SGIP1: variants seen among roughly 807,000 people sequenced by gnomAD.
The protein encoded by SGIP1 is SH3GL interacting endocytic adaptor 1, also known as SH3-containing GRB2-like protein 3-interacting protein 1.
A neutral mutation model predicts 107.5 loss-of-function variants in SGIP1; 38 were observed. The observed-to-expected ratio is 0.35, with a 90% CI of 0.27 to 0.46. The LOEUF is 0.46. Ranked by LOEUF, SGIP1 falls within the 20% of genes least tolerant of loss-of-function variation. The probability of loss-of-function intolerance (pLI) is 1.00; values close to 1 mark genes in which losing one functional copy is unlikely to be tolerated. For synonymous variants in SGIP1, 365 were observed against 366.1 expected (o/e 1.00, Z 0.03); for missense variants, 929 against 1,019.5 (o/e 0.91, Z 1.21).
At chr1:66,555,717 A>G (rs974916734) in intron 1 of SGIP1, among the ~76,000 whole-genome samples, 3 of 152,182 alleles carry the variant, frequency 2.0e-5, no homozygotes, top group Non-Finnish European at 4.4e-5. Context: ...ATGAAACTAT[A>G]AGAAGGTGTT....
chr1:66,613,585 C>G (rs1028602342), intron 1 of SGIP1, among the ~76,000 whole-genome samples: 3 of 152,206 alleles, frequency 2.0e-5, no homozygotes, highest in African/African-American at 7.2e-5. Flanking sequence ...CCACCTCAGT[C>G]TCCCAAAGTG....
intron 1 of SGIP1, among the ~76,000 whole-genome samples, chr1:66,617,184 T>G (rs1290553228): frequency 6.6e-6 from 1 of 152,196 alleles, no homozygotes; most frequent in Non-Finnish European, 1.5e-5. Flanking sequence ...TTGTAAACAT[T>G]TACTGAATGA....
chr1:66,670,597 G>A (rs950603599), intron 9 of SGIP1, among the ~76,000 whole-genome samples: 2 of 152,154 alleles, frequency 1.3e-5, no homozygotes, highest in African/African-American at 4.8e-5. Flanking sequence ...ACCTGGCAAG[G>A]AGCATGCACT....
At chr1:66,644,621 C>T (rs897455782) in intron 7 of SGIP1, among the ~76,000 whole-genome samples, 25 of 152,100 alleles carry the variant, frequency 1.6e-4, no homozygotes, top group African/African-American at 5.1e-4. Context: ...GAACCATTTT[C>T]GAGATGCTTC....
chr1:66,611,777 G>A (rs1469863123), intron 1 of SGIP1, among the ~76,000 whole-genome samples: 3 of 152,182 alleles, frequency 2.0e-5, no homozygotes, highest in Non-Finnish European at 4.4e-5. Context: ...TAGGTTTCTG[G>A]ATGGAGCATC....
At chr1:66,539,019 C>G (rs914822505) in intron 1 of SGIP1, among the ~76,000 whole-genome samples, 1 of 152,172 alleles carries the variant, frequency 6.6e-6, no homozygotes, top group African/African-American at 2.4e-5. Context: ...TGTGGCTTAT[C>G]TTTTCTCAAT....
chr1:66,676,752 T>C (rs193105402), intron 12 of SGIP1, among the ~76,000 whole-genome samples: 2 of 152,208 alleles, frequency 1.3e-5, no homozygotes, highest in East Asian at 3.9e-4. Flanking sequence ...CAAATGCAGA[T>C]TCTGCTCTGA....
Position 66,747,468 on chromosome 1 carries a change from AT to A in SGIP1, c.*4377del. 1 of 152,048 alleles carries A rather than the reference AT, an allele frequency of 6.6e-6. No homozygotes were observed. The allele number at this position is 152,048 out of a possible 1,614,324, so 9.4% of individuals were successfully genotyped here. ...TCAGTCTCAAAGTAGCCTGAAATGC[AT>A]TTTCTCATTTTCATATTTCTGTCCT... On this transcript the variant is annotated 3_prime_UTR_variant, in exon 25 of 25. Coordinates refer to ENST00000371037, the MANE Select transcript of SGIP1 (RefSeq NM_032291.4).
intron 22 of SGIP1, 56 bp from the exon 23 acceptor site, chr1:66,740,602 T>C (rs2094419082): frequency 4.6e-6 from 5 of 1,083,624 alleles, no homozygotes; most frequent in South Asian, 2.8e-5. Flanking sequence ...AAACATGGCA[T>C]CCAGTAAACA....
intron 1 of SGIP1, among the ~76,000 whole-genome samples, chr1:66,623,916 A>G (rs1382307662): frequency 6.6e-6 from 1 of 152,208 alleles, no homozygotes; most frequent in Non-Finnish European, 1.5e-5. Context: ...GACCTAGTTC[A>G]TGTTGGCTAT....
intron 1 of SGIP1, among the ~76,000 whole-genome samples, chr1:66,583,245 G>C (rs12066541): frequency 2.0e-5 from 3 of 151,868 alleles, no homozygotes; most frequent in African/African-American, 7.3e-5. Context: ...AGCCATTAGC[G>C]CTTTTCCTAG....
rs1463643028 is a variant in SGIP1 at position 66,660,013 on chromosome 1, A to AGGAAGGAAGGAAGGAAGGAAG, written c.460-499_460-498insGAAGGAAGGAAGGAAGGAAGG. Reference sequence around the variant, plus strand: ...AAGAAAGAAAGACAGACAGACAGACAGACAGGAAGGAAGGAAGGAAGGAAG... The same window carrying AGGAAGGAAGGAAGGAAGGAAG: ...AAGAAAGAAAGACAGACAGACAGACAGGAAGGAAGGAAGGAAGGAAGGACAGGAAGGAAGGAAGGAAGGAAG... On this transcript the variant is annotated intron_variant, in intron 7 of 24. Transcript: ENST00000371037. The AGGAAGGAAGGAAGGAAGGAAG allele has an allele frequency of 4.3e-4, 37 of 85,076 alleles. 2 individuals carry two copies. In the East Asian group the frequency reaches 5.6e-3, roughly 13 times the overall value. The allele number at this position is 85,076 out of a possible 1,614,324, so 5.3% of individuals were successfully genotyped here. A position where few individuals can be genotyped will look rare whatever the true frequency, so the allele number is the denominator to read the frequency against.
At chr1:66,628,021 G>A (rs2073341103) in intron 2 of SGIP1, among the ~76,000 whole-genome samples, 1 of 151,586 alleles carries the variant, frequency 6.6e-6, no homozygotes, top group Non-Finnish European at 1.5e-5. Flanking sequence ...CCTCGCGATA[G>A]TTTGCTGAGA....
intron 15 of SGIP1, chr1:66,684,282 T>C: frequency 1.3e-6 from 2 of 1,519,790 alleles, no homozygotes; most frequent in Admixed American, 2.0e-5. Flanking sequence ...ATTTGACTAC[T>C]GACACCCATC....
chr1:66,563,153 T>C (rs1451454536), intron 1 of SGIP1, among the ~76,000 whole-genome samples: 1 of 151,796 alleles, frequency 6.6e-6, no homozygotes, highest in African/African-American at 2.4e-5. Context: ...TTGGTATAAA[T>C]ACACAATCTG....
chr1:66,619,485 C>T (rs758487721), intron 1 of SGIP1, among the ~76,000 whole-genome samples: 7 of 152,240 alleles, frequency 4.6e-5, no homozygotes, highest in Non-Finnish European at 8.8e-5. Context: ...CCCCACCTCT[C>T]TTCCCACCCC....
At chr1:66,657,140 C>T (rs747706696) in intron 7 of SGIP1, among the ~76,000 whole-genome samples, 4 of 152,126 alleles carry the variant, frequency 2.6e-5, no homozygotes, top group Admixed American at 1.3e-4. Context: ...TACACCACTG[C>T]GCTTCAGCCT....
At chr1:66,626,460 G>C (rs974071365) in intron 2 of SGIP1, among the ~76,000 whole-genome samples, 1 of 152,168 alleles carries the variant, frequency 6.6e-6, no homozygotes. Flanking sequence ...AGAAACAACT[G>C]TGGGGATGCT....
At chr1:66,595,814 G>A (rs1433287418) in intron 1 of SGIP1, among the ~76,000 whole-genome samples, 6 of 152,164 alleles carry the variant, frequency 3.9e-5, no homozygotes, top group Admixed American at 1.3e-4. Flanking sequence ...TTGAAAAGGC[G>A]AATCTCAAAA....
Sources: allele counts gnomAD v4.1 joint callset (sites outside exome capture counted in the v4.1 genomes callset), GRCh38; gene constraint gnomAD v4.1.1; transcripts MANE v1.5; gene names NCBI Gene and HGNC (gene_info 2026-07-23, HGNC 2026-07-21).